The following GLRA3 variants were observed in gnomAD, a reference collection of about 807,000 sequenced individuals.
The protein encoded by GLRA3 is glycine receptor alpha 3, also known as glycine receptor subunit alpha-3.
GLRA3 carries 44 observed loss-of-function variants against 60.4 expected under a neutral mutation model. The ratio of observed to expected loss-of-function variants is 0.73; its 90% CI spans 0.57 to 0.94. The LOEUF (loss-of-function observed/expected upper bound fraction) is 0.94. GLRA3 is among the 40% of genes least tolerant of loss of function. The pLI is 0.00. For synonymous variants in GLRA3, 223 were observed against 192.9 expected (o/e 1.16, Z -1.29); for missense variants, 508 against 564.6 (o/e 0.90, Z 1.02).
rs894110911 is a variant in GLRA3 at position 174,649,631 on chromosome 4, C to A, written c.1117-5567G>T. 3.3e-5 allele frequency among the ~76,000 whole-genome samples: 5 copies of A among 152,040 alleles called. 1 individual carries two copies. The highest frequency in any genetic ancestry group is 3.3e-4 in the Admixed American group (5 of 15,268). Reference sequence around the variant, plus strand: ...TCTCTAGAATAGCCTGTCTGGCCTACGATAAAGCTAGATGGATCCTACAGG... The same window carrying A: ...TCTCTAGAATAGCCTGTCTGGCCTAAGATAAAGCTAGATGGATCCTACAGG... On this transcript the variant is annotated intron_variant, in intron 9 of 9. Coordinates refer to ENST00000274093, the MANE Select transcript of GLRA3 (RefSeq NM_006529.4).
At chr4:174,767,672 C>T (rs1738204051) in intron 2 of GLRA3, among the ~76,000 whole-genome samples, 1 of 152,090 alleles carries the variant, frequency 6.6e-6, no homozygotes. Context: ...ATCTTCCACT[C>T]TTGCCAAGGG....
intron 9 of GLRA3, among the ~76,000 whole-genome samples, chr4:174,651,745 G>A (rs1281464418): frequency 6.6e-6 from 1 of 152,086 alleles, no homozygotes; most frequent in Non-Finnish European, 1.5e-5. Flanking sequence ...TACAATACAT[G>A]GGTTTTGCCA....
intron 1 of GLRA3, among the ~76,000 whole-genome samples, chr4:174,817,288 A>T (rs1408119626): frequency 6.6e-6 from 1 of 152,220 alleles, no homozygotes; most frequent in Non-Finnish European, 1.5e-5. Context: ...TCTATCTTCG[A>T]TCTCAAAGAA....
intron 1 of GLRA3, among the ~76,000 whole-genome samples, chr4:174,799,036 AAT>A (rs540799164): frequency 1.1e-3 from 171 of 152,348 alleles, no homozygotes; most frequent in African/African-American, 3.8e-3. Context: ...GTGCCAGTGA[AAT>A]ATGATTATTA....
At chr4:174,705,405 G>A (rs2111062239) in intron 5 of GLRA3, among the ~76,000 whole-genome samples, 1 of 144,146 alleles carries the variant, frequency 6.9e-6, no homozygotes, top group Non-Finnish European at 1.5e-5. Context: ...TTGTGTCATA[G>A]CAGCACAATA....
At chr4:174,778,535 G>A (rs554414553) in intron 2 of GLRA3, among the ~76,000 whole-genome samples, 1 of 152,122 alleles carries the variant, frequency 6.6e-6, no homozygotes, top group African/African-American at 2.4e-5. Context: ...TGCAGAAGAC[G>A]GGTGATTTCT....
intron 2 of GLRA3, among the ~76,000 whole-genome samples, chr4:174,785,601 C>A (rs1739093056): frequency 6.6e-6 from 1 of 152,088 alleles, no homozygotes; most frequent in African/African-American, 2.4e-5. Flanking sequence ...ACTTTGAAGT[C>A]CAGAGAGGGC....
chr4:174,827,597 A>AT (rs1416436484), intron 1 of GLRA3, among the ~76,000 whole-genome samples: 2 of 151,920 alleles, frequency 1.3e-5, no homozygotes, highest in Non-Finnish European at 2.9e-5. Flanking sequence ...TATCAAGATG[A>AT]TTTTTATTGA....
chr4:174,661,418 C>A (rs545178364), intron 7 of GLRA3, among the ~76,000 whole-genome samples: 24 of 152,306 alleles, frequency 1.6e-4, no homozygotes, highest in African/African-American at 5.1e-4. Flanking sequence ...ACTAACATCT[C>A]AATTCTGCCA....
Position 174,643,625 on chromosome 4 carries a change from C to A in GLRA3, c.*161G>T. On this transcript the variant is annotated 3_prime_UTR_variant, in exon 10 of 10. Transcript: ENST00000274093. ...TTCATTAAAAGAATCTCATCTTTCT[C>A]ATGACTTTGCATAGCTAACCAAAAT... 7.3e-7 allele frequency: 1 copy of A among 1,376,100 alleles called. No homozygotes were observed. 85.2% of individuals were successfully genotyped at this position (1,376,100 alleles called of 1,614,324 possible).
At chr4:174,764,094 AAAG>A (rs1379340421) in intron 3 of GLRA3, among the ~76,000 whole-genome samples, 1 of 152,180 alleles carries the variant, frequency 6.6e-6, no homozygotes, top group Non-Finnish European at 1.5e-5. Context: ...TAACAGCTAA[AAAG>A]AGATTTGAGT....
intron 4 of GLRA3, among the ~76,000 whole-genome samples, chr4:174,717,721 T>G (rs1219441338): frequency 1.3e-5 from 2 of 152,228 alleles, no homozygotes; most frequent in East Asian, 3.9e-4. Context: ...AGGTTAAGTA[T>G]GATTGTGTAA....
chr4:174,819,828 G>A (rs1740666176), intron 1 of GLRA3, among the ~76,000 whole-genome samples: 1 of 152,112 alleles, frequency 6.6e-6, no homozygotes, highest in South Asian at 2.1e-4. Flanking sequence ...AGGTGCAATA[G>A]CAGAAATTCA....
chr4:174,822,071 C>G (rs1740762759), intron 1 of GLRA3, among the ~76,000 whole-genome samples: 1 of 152,100 alleles, frequency 6.6e-6, no homozygotes, highest in African/African-American at 2.4e-5. Flanking sequence ...AATTTAGATA[C>G]ACAGAGACAA....
intron 3 of GLRA3, 83 bp downstream of exon 3, chr4:174,766,880 G>T: frequency 5.8e-6 from 4 of 684,288 alleles, no homozygotes; most frequent in South Asian, 4.0e-5. Flanking sequence ...TACTAATTTG[G>T]GTTTTAAATT....
intron 4 of GLRA3, among the ~76,000 whole-genome samples, chr4:174,720,676 T>C (rs1384323771): frequency 6.6e-6 from 1 of 152,172 alleles, no homozygotes; most frequent in Non-Finnish European, 1.5e-5. Flanking sequence ...CAGCTGATAA[T>C]TTTGAGAGAT....
intron 6 of GLRA3, among the ~76,000 whole-genome samples, chr4:174,678,363 C>T (rs1734207963): frequency 6.6e-6 from 1 of 152,156 alleles, no homozygotes; most frequent in African/African-American, 2.4e-5. Context: ...TCTTCTAAAT[C>T]ACCCAGTTCT....
rs186878231 is a variant in GLRA3 at position 174,688,130 on chromosome 4, A to G, written c.575-5191T>C. 7.1e-3 allele frequency among the ~76,000 whole-genome samples: 1,085 copies of G among 151,822 alleles called. 13 individuals carry two copies. Among genetic ancestry groups the G allele is most frequent in the African/African-American group, 0.025 (1,035 of 41,446 alleles). ...TTAACTATGTGTTTACAGAAAAAAAAGGAAAATTTCAAAGTTTTCAGTCTA... is the reference window on the plus strand; with the variant it reads ...TTAACTATGTGTTTACAGAAAAAAAGGGAAAATTTCAAAGTTTTCAGTCTA... On this transcript the variant is annotated intron_variant, in intron 5 of 9. Coordinates refer to ENST00000274093, the MANE Select transcript of GLRA3 (RefSeq NM_006529.4).
chr4:174,667,266 G>A (rs1191548203), intron 7 of GLRA3, among the ~76,000 whole-genome samples: 2 of 152,040 alleles, frequency 1.3e-5, no homozygotes, highest in Non-Finnish European at 2.9e-5. Flanking sequence ...GGGGAAAGTG[G>A]CCTTCGTGGC....
Sources: allele counts gnomAD v4.1 joint callset (sites outside exome capture counted in the v4.1 genomes callset), GRCh38; gene constraint gnomAD v4.1.1; transcripts MANE v1.5; gene names NCBI Gene and HGNC (gene_info 2026-07-23, HGNC 2026-07-21).